The following SLC11A2 variants were observed in gnomAD, a reference collection of about 807,000 sequenced individuals.
The protein encoded by SLC11A2 is solute carrier family 11 member 2, also known as natural resistance-associated macrophage protein 2.
Under a neutral mutation model 68.0 loss-of-function variants are expected in SLC11A2, and 38 were observed. That is an observed-to-expected ratio of 0.56 (90% CI 0.43 to 0.73). The LOEUF is 0.73. SLC11A2 is among the 30% of genes least tolerant of loss of function. SLC11A2 has a pLI of 0.00. For synonymous variants in SLC11A2, 242 were observed against 250.6 expected, an observed-to-expected ratio of 0.97 and a Z score of 0.32; for missense variants, 517 against 690.5, an observed-to-expected ratio of 0.75 and a Z score of 2.82.
chr12:50,954,215 C>T, the SLC11A2 span: 1 of 604,084 alleles, frequency 1.7e-6, no homozygotes, highest in South Asian at 2.4e-5. Flanking sequence ...AGCTAACCTC[C>T]TCTAAGCATG....
chr12:50,991,094 A>C, intron 14 of SLC11A2, 146 bp from the exon 15 acceptor site: 1 of 784,198 alleles, frequency 1.3e-6, no homozygotes, highest in Non-Finnish European at 2.2e-6. Flanking sequence ...CATAAGTCTA[A>C]GTTAAATCAC....
At chr12:50,963,176 C>A in the SLC11A2 span, among the ~76,000 whole-genome samples, 1 of 151,522 alleles carries the variant, frequency 6.6e-6, no homozygotes, top group African/African-American at 2.4e-5. Flanking sequence ...TTGAGACAAG[C>A]CTGGTCAACA....
At position 51,001,345 on chromosome 12, in the gene SLC11A2, TG is replaced by T. The variant is rs1170793362; in HGVS notation, c.430-927del. Among the ~76,000 whole-genome samples, 8 of 151,986 alleles carry T rather than the reference TG, an allele frequency of 5.3e-5. No homozygotes were observed. In the East Asian group the frequency reaches 1.5e-3, roughly 29 times the overall value. On this transcript the variant is annotated intron_variant, in intron 5 of 15. Coordinates refer to ENST00000262052, the MANE Select transcript of SLC11A2 (RefSeq NM_000617.3). ...TTGGGAGCAAAATGATAAGAACTTA[TG>T]AACACACAGACAGAAACAACAGACA...
chr12:51,022,770 A>G (rs1944134177), intron 1 of SLC11A2, among the ~76,000 whole-genome samples: 1 of 152,140 alleles, frequency 6.6e-6, no homozygotes, highest in African/African-American at 2.4e-5. Flanking sequence ...ATTAACTTGT[A>G]GCTTTCTTCT....
rs1942100798 is a variant in SLC11A2, at chr12:51,000,431, A to G, written c.430-12T>C. ...ATGACTCGTGGGACCTAAACATCAA[A>G]CAGTAGAAAGACACGGTTCTGATTA... is the stretch of plus-strand genomic sequence containing the variant. On this transcript the variant is annotated splice_polypyrimidine_tract_variant and intron_variant, in intron 5 of 15. Transcript: ENST00000262052. 6.3e-7 allele frequency: 1 copy of G among 1,589,588 alleles called. No homozygotes were observed. The highest frequency in any genetic ancestry group is 8.6e-7 in the Non-Finnish European group (1 of 1,157,572).
rs1302778651 is a variant in SLC11A2, at chr12:50,988,045, A to G, written c.*280T>C. ...CCTTGTCTCTCCGAAGGATAAACTG[A>G]GCTGGCCCTTGGGCAACTACTTAAG... On this transcript the variant is annotated 3_prime_UTR_variant, in exon 16 of 16. Transcript: ENST00000262052. 1 of 1,389,206 alleles carries G rather than the reference A, an allele frequency of 7.2e-7. No homozygotes were observed. Among genetic ancestry groups the G allele is most frequent in the East Asian group, 3.7e-5 (1 of 26,882 alleles). 86.1% of individuals were successfully genotyped at this position (1,389,206 alleles called of 1,614,324 possible).
chr12:51,004,708 G>A (rs1010928496), intron 5 of SLC11A2, 80 bp downstream of exon 5: 11 of 1,532,484 alleles, frequency 7.2e-6, no homozygotes, highest in Non-Finnish European at 9.9e-6. Flanking sequence ...TCTCACTATA[G>A]AATGAGGCCA....
chr12:50,976,371 A>C (rs1399895602), downstream of SLC11A2, among the ~76,000 whole-genome samples: 2 of 152,220 alleles, frequency 1.3e-5, no homozygotes, highest in African/African-American at 4.8e-5. Flanking sequence ...CCAGCATATA[A>C]ACAGAACCAA....
intron 5 of SLC11A2, among the ~76,000 whole-genome samples, chr12:51,004,538 G>A (rs1942552453): frequency 6.6e-6 from 1 of 152,184 alleles, no homozygotes; most frequent in African/African-American, 2.4e-5. Flanking sequence ...AAGCCAGAGT[G>A]AATGGTAACA....
chr12:50,983,400 T>G (rs975950816), downstream of SLC11A2, among the ~76,000 whole-genome samples: 1 of 152,204 alleles, frequency 6.6e-6, no homozygotes, highest in Non-Finnish European at 1.5e-5. Context: ...GTAGCAACTA[T>G]CCCTATTTTA....
chr12:51,026,986 G>A (rs1944420426), upstream of SLC11A2, among the ~76,000 whole-genome samples: 1 of 152,160 alleles, frequency 6.6e-6, no homozygotes, highest in African/African-American at 2.4e-5. Flanking sequence ...AGACCAGCCT[G>A]ACCAACATGG....
At chr12:50,955,577 G>A in the SLC11A2 span, among the ~76,000 whole-genome samples, 1 of 152,098 alleles carries the variant, frequency 6.6e-6, no homozygotes, top group African/African-American at 2.4e-5. Flanking sequence ...CTTCTAAATA[G>A]GTATGTCAGA....
downstream of SLC11A2, among the ~76,000 whole-genome samples, chr12:50,975,600 C>T (rs1243978189): frequency 6.6e-6 from 1 of 152,028 alleles, no homozygotes; most frequent in Non-Finnish European, 1.5e-5. Context: ...CAAGAGCAAA[C>T]ACATTCAAAA....
At chr12:50,973,411 C>T in the SLC11A2 span, among the ~76,000 whole-genome samples, 4 of 152,178 alleles carry the variant, frequency 2.6e-5, no homozygotes, top group Non-Finnish European at 4.4e-5. Context: ...AAAACTCTAA[C>T]AGACCTGCAG....
In SLC11A2 at chr12:50,987,663, C is replaced by T. The variant is rs1402577361; in HGVS notation, c.*662G>A. ...CTGAGAAGGTAATTAGTAAGCACCA[C>T]CTAGCGATGTGGTGCTGGTTTTGTT... On this transcript the variant is annotated 3_prime_UTR_variant, in exon 16 of 16. Coordinates refer to ENST00000262052, the MANE Select transcript of SLC11A2 (RefSeq NM_000617.3). 1 of 1,287,184 alleles carries T rather than the reference C, an allele frequency of 7.8e-7. No individual in the cohort carries two copies. The highest frequency in any genetic ancestry group is 5.5e-5 in the East Asian group (1 of 18,022). The allele number at this position is 1,287,184 out of a possible 1,614,324, so 79.7% of individuals were successfully genotyped here.
At position 50,992,175 on chromosome 12, in the gene SLC11A2, C is replaced by A; in HGVS notation, c.1347+15G>T. On this transcript the variant is annotated intron_variant, in intron 13 of 15. Coordinates refer to ENST00000262052, the MANE Select transcript of SLC11A2 (RefSeq NM_000617.3). ...CCTGAATAACTAGGATGTGTTTCCT[C>A]AGCTTCCTCCTCACCTGTAAGCTCT... 1.2e-6 allele frequency: 2 copies of A among 1,613,502 alleles called. No individual in the cohort carries two copies. The highest frequency in any genetic ancestry group is 1.7e-6 in the Non-Finnish European group (2 of 1,179,548).
chr12:50,969,893 C>G, the SLC11A2 span, among the ~76,000 whole-genome samples: 3 of 152,038 alleles, frequency 2.0e-5, no homozygotes, highest in African/African-American at 7.2e-5. Context: ...AGAACATTTG[C>G]TGACATCCTT....
Position 50,992,188 on chromosome 12 carries a change from A to G in SLC11A2, c.1347+2T>C, listed in dbSNP as rs1941220638. 1 of 1,613,796 alleles carries G rather than the reference A, an allele frequency of 6.2e-7. No individual in the cohort carries two copies. Among genetic ancestry groups the G allele is most frequent in the Non-Finnish European group, 8.5e-7 (1 of 1,179,846 alleles). On this transcript the variant is annotated splice_donor_variant, in intron 13 of 15. Transcript: ENST00000262052. LOFTEE classifies it high-confidence loss of function. ...GATGTGTTTCCTCAGCTTCCTCCTC[A>G]CCTGTAAGCTCTGTAGAACATTCAG...
At chr12:51,005,242 C>T in intron 4 of SLC11A2, 69 bp downstream of exon 4, 1 of 1,541,976 alleles carries the variant, frequency 6.5e-7, no homozygotes, top group African/African-American at 1.4e-5. Flanking sequence ...ATCCAACATG[C>T]AGGGTGGAGA....
Sources: gnomAD v4.1 joint callset for allele counts (sites outside exome capture counted in the v4.1 genomes callset) on GRCh38, gnomAD v4.1.1 for gene constraint, MANE v1.5 for transcripts, NCBI Gene and HGNC (gene_info 2026-07-23, HGNC 2026-07-21) for gene names.